Variants in CENPO observed in about 807,000 individuals in gnomAD.
CENPO encodes centromeric protein O.
Under a neutral mutation model 36.1 loss-of-function variants are expected in CENPO, and 30 were observed. The ratio of observed to expected loss-of-function variants is 0.83; its 90% CI spans 0.62 to 1.13. The LOEUF is 1.13. CENPO is among the 50% of genes most tolerant of loss of function. The pLI is 0.00. For missense variants in CENPO, 349 were observed against 357.8 expected (o/e 0.98, Z 0.20); for synonymous variants, 171 against 142.3 (o/e 1.20, Z -1.44).
Position 24,820,080 on chromosome 2 carries a change from T to A in CENPO, c.*762T>A, listed in dbSNP as rs1471727982. Reference sequence around the variant, plus strand: ...GCCTCGCCTCACAAAGCGGAAGCCGTACTCTCGGAGGATGACTTGGGTTTC... The same window carrying A: ...GCCTCGCCTCACAAAGCGGAAGCCGAACTCTCGGAGGATGACTTGGGTTTC... On this transcript the variant is annotated 3_prime_UTR_variant, in exon 8 of 8. Coordinates refer to ENST00000380834, the MANE Select transcript of CENPO (RefSeq NM_001322101.2). 1 of 1,571,596 alleles carries A rather than the reference T, an allele frequency of 6.4e-7. No individual in the cohort carries two copies. Among genetic ancestry groups the A allele is most frequent in the South Asian group, 1.2e-5 (1 of 85,904 alleles).
intron 5 of CENPO, 57 bp downstream of exon 5, chr2:24,815,813 G>C: frequency 6.5e-7 from 1 of 1,537,012 alleles, no homozygotes; most frequent in Non-Finnish European, 8.9e-7. Flanking sequence ...ACTTAAAAGG[G>C]GGATGTTTTT....
At chr2:24,810,601 G>A (rs978777093) in intron 3 of CENPO, among the ~76,000 whole-genome samples, 4 of 148,762 alleles carry the variant, frequency 2.7e-5, no homozygotes, top group Admixed American at 6.8e-5. Flanking sequence ...TCTGCCTCCC[G>A]GGTTCAAGCA....
intron 3 of CENPO, among the ~76,000 whole-genome samples, chr2:24,805,310 T>C (rs1248936347): frequency 2.0e-5 from 3 of 150,314 alleles, no homozygotes; most frequent in South Asian, 4.2e-4. Flanking sequence ...CGTCTGAAGC[T>C]GTCTTCTCTC....
At chr2:24,795,075 G>A (rs1197191823) in intron 2 of CENPO, among the ~76,000 whole-genome samples, 1 of 152,102 alleles carries the variant, frequency 6.6e-6, no homozygotes, top group East Asian at 1.9e-4. Flanking sequence ...AATAAGTTTG[G>A]TGACTTTATG....
intron 3 of CENPO, among the ~76,000 whole-genome samples, 156 bp from the exon 4 acceptor site, chr2:24,814,220 T>C (rs546313632): frequency 6.6e-6 from 1 of 152,384 alleles, no homozygotes; most frequent in Admixed American, 6.5e-5. Context: ...ATTCTTCCTC[T>C]GCAGTGAATT....
In CENPO at chr2:24,817,665, T is replaced by C. The variant is rs747347705; in HGVS notation, c.767-5T>C. On this transcript the variant is annotated splice_polypyrimidine_tract_variant and splice_region_variant and intron_variant, in intron 6 of 7. Transcript: ENST00000380834. ...GAATGAGATTGATGGAATCTTTCTT[T>C]TTAGGAGTGGAAGTATTATCCACTT... is the stretch of plus-strand genomic sequence containing the variant. 6.2e-7 allele frequency: 1 copy of C among 1,614,166 alleles called. No individual in the cohort carries two copies. The highest frequency in any genetic ancestry group is 8.5e-7 in the Non-Finnish European group (1 of 1,180,030).
intron 6 of CENPO, 132 bp downstream of exon 6, chr2:24,816,949 C>A: frequency 2.9e-6 from 2 of 700,532 alleles, no homozygotes; most frequent in Non-Finnish European, 4.4e-6. Flanking sequence ...ATTACTCAGA[C>A]CGGTAAGATA....
At chr2:24,818,376 A>G (rs527683280) in intron 7 of CENPO, among the ~76,000 whole-genome samples, 171 of 151,638 alleles carry the variant, frequency 1.1e-3, no homozygotes, top group Admixed American at 2.7e-3. Context: ...GGAAGACCCA[A>G]TATTTTTTTT....
chr2:24,803,631 G>C (rs1365623675), intron 3 of CENPO, among the ~76,000 whole-genome samples: 2 of 152,210 alleles, frequency 1.3e-5, no homozygotes, highest in East Asian at 3.8e-4. Flanking sequence ...CCATGTAGTT[G>C]AGTGGTTTTG....
At chr2:24,809,547 CTTTTTTG>C (rs2148276929) in intron 3 of CENPO, among the ~76,000 whole-genome samples, 1 of 151,498 alleles carries the variant, frequency 6.6e-6, no homozygotes, top group South Asian at 2.1e-4. Context: ...TGTATTTTTT[CTTTTTTG>C]TTTTTTGTAT....
chr2:24,820,343 T>G lies in CENPO; in HGVS notation c.*1025T>G. On this transcript the variant is annotated 3_prime_UTR_variant, in exon 8 of 8. Coordinates refer to ENST00000380834, the MANE Select transcript of CENPO (RefSeq NM_001322101.2). Reference sequence around the variant, plus strand: ...GCCTCCTCTCATCCAGAGACTTCTCTCCTAGGATGGCCATGGTCACCTGGG... The same window carrying G: ...GCCTCCTCTCATCCAGAGACTTCTCGCCTAGGATGGCCATGGTCACCTGGG... The G allele has an allele frequency of 7.5e-7, 1 of 1,335,476 alleles. No individual in the cohort carries two copies. Among genetic ancestry groups the G allele is most frequent in the Non-Finnish European group, 9.5e-7 (1 of 1,048,018 alleles). 82.7% of individuals were successfully genotyped at this position (1,335,476 alleles called of 1,614,324 possible). A position where few individuals can be genotyped will look rare whatever the true frequency, so the allele number is the denominator to read the frequency against.
chr2:24,811,282 CT>C (rs70947848), intron 3 of CENPO, among the ~76,000 whole-genome samples: 44 of 105,550 alleles, frequency 4.2e-4, no homozygotes, highest in African/African-American at 1.2e-3. Context: ...AGTCCATGAA[CT>C]TTTTTTTTTT....
Position 24,798,975 on chromosome 2 carries a change from C to CTTT in CENPO, c.47-675_47-673dup, listed in dbSNP as rs70947846. 1.0e-3 allele frequency among the ~76,000 whole-genome samples: 117 copies of CTTT among 114,508 alleles called. 11 individuals carry two copies. The highest frequency in any genetic ancestry group is 3.9e-3 in the African/African-American group (99 of 25,290). The allele number at this position is 114,508 out of a possible 152,430, so 75.1% of individuals were successfully genotyped here. On this transcript the variant is annotated intron_variant, in intron 2 of 7. Coordinates refer to ENST00000380834, the MANE Select transcript of CENPO (RefSeq NM_001322101.2). Reference sequence around the variant, plus strand: ...TCGATTAAATAAAGTCTGGGGCTTCCTTTTTTTTTTTTTTTTTTTTTTTTT... The same window carrying CTTT: ...TCGATTAAATAAAGTCTGGGGCTTCCTTTTTTTTTTTTTTTTTTTTTTTTTTTT...
chr2:24,803,627 A>G (rs1666251252), intron 3 of CENPO, among the ~76,000 whole-genome samples: 1 of 152,116 alleles, frequency 6.6e-6, no homozygotes, highest in Non-Finnish European at 1.5e-5. Flanking sequence ...GTTTCCATGT[A>G]GTTGAGTGGT....
chr2:24,816,582 C>A, intron 5 of CENPO, 64 bp from the exon 6 acceptor site: 1 of 1,186,468 alleles, frequency 8.4e-7, no homozygotes, highest in Non-Finnish European at 1.2e-6. Flanking sequence ...ATTGAAGGGT[C>A]AGTAAACACC....
rs1282165934 is a variant in CENPO, at chr2:24,793,665, CG to C, written c.-69+169del. ...GCGCGCCGGGGCCGCGGGATGGGCGCGGGGGTGGGCATGGACTCTGCTGGCT... is the reference window on the plus strand; with the variant it reads ...GCGCGCCGGGGCCGCGGGATGGGCGCGGGGTGGGCATGGACTCTGCTGGCT... On this transcript the variant is annotated intron_variant, in intron 1 of 7. Coordinates refer to ENST00000380834, the MANE Select transcript of CENPO (RefSeq NM_001322101.2). 4 of 1,178,076 alleles carry C rather than the reference CG, an allele frequency of 3.4e-6. No homozygotes were observed. The African/African-American group carries it at 4.7e-5, about 14-fold the overall frequency. 73.0% of individuals were successfully genotyped at this position (1,178,076 alleles called of 1,614,324 possible). A position where few individuals can be genotyped will look rare whatever the true frequency, so the allele number is the denominator to read the frequency against.
rs563457826 is a variant in CENPO, at chr2:24,808,491, C to T, written c.217-5885C>T. On this transcript the variant is annotated intron_variant, in intron 3 of 7. Transcript: ENST00000380834. ...TGCTGGGATTACAGGCGTGAGCCGC[C>T]GTGCCTGGCCAGGTAATAAAAGAGC... Among the ~76,000 whole-genome samples, 31 of 152,286 alleles carry T rather than the reference C, an allele frequency of 2.0e-4. No individual in the cohort carries two copies. In the East Asian group the frequency reaches 4.6e-3, roughly 23 times the overall value.
At position 24,817,466 on chromosome 2, in the gene CENPO, C is replaced by CAAAAAAAAAAAAAAA. The variant is rs57556645; in HGVS notation, c.767-194_767-193insAAAAAAAAAAAAAAA. Among the ~76,000 whole-genome samples, 55 of 110,050 alleles carry CAAAAAAAAAAAAAAA rather than the reference C, an allele frequency of 5.0e-4. 4 individuals carry two copies. Among genetic ancestry groups the CAAAAAAAAAAAAAAA allele is most frequent in the South Asian group, 3.2e-3 (11 of 3,462 alleles). 72.2% of individuals were successfully genotyped at this position (110,050 alleles called of 152,430 possible). A position where few individuals can be genotyped will look rare whatever the true frequency, so the allele number is the denominator to read the frequency against. Reference sequence around the variant, plus strand: ...AGTAAGGGGCAGCCTTAGTCCAGACCAAAAAAAAAAGCTGTATGGGTCCAG... The same window carrying CAAAAAAAAAAAAAAA: ...AGTAAGGGGCAGCCTTAGTCCAGACCAAAAAAAAAAAAAAAAAAAAAAAAAGCTGTATGGGTCCAG... On this transcript the variant is annotated intron_variant, in intron 6 of 7. Transcript: ENST00000380834.
At chr2:24,807,168 GTTC>G (rs1406379083) in intron 3 of CENPO, among the ~76,000 whole-genome samples, 3 of 151,250 alleles carry the variant, frequency 2.0e-5, no homozygotes, top group Non-Finnish European at 4.4e-5. Context: ...CCCTTCTTCC[GTTC>G]TTTTTTTTTA....
Sources: gnomAD v4.1 joint callset for allele counts (sites outside exome capture counted in the v4.1 genomes callset) on GRCh38, gnomAD v4.1.1 for gene constraint, MANE v1.5 for transcripts, NCBI Gene and HGNC (gene_info 2026-07-23, HGNC 2026-07-21) for gene names.